The following RNF31 variants were observed in gnomAD, a reference collection of about 807,000 sequenced individuals.
RNF31 encodes E3 ubiquitin-protein ligase RNF31.
A neutral mutation model predicts 133.6 loss-of-function variants in RNF31; 38 were observed. The ratio of observed to expected loss-of-function variants is 0.28; its 90% confidence interval spans 0.22 to 0.37. The LOEUF (loss-of-function observed/expected upper bound fraction) is 0.37. RNF31 is among the 10% of genes least tolerant of loss of function. The pLI, the probability that RNF31 is intolerant of heterozygous loss-of-function variation, is 1.00. For synonymous variants in RNF31, 582 were observed against 552.3 expected, an observed-to-expected ratio of 1.05 and a Z score of -0.75; for missense variants, 1,118 against 1,394.1, an observed-to-expected ratio of 0.80 and a Z score of 3.15.
chr14:24,156,761 A>G (rs909929912), intron 14 of RNF31, among the ~76,000 whole-genome samples: 1 of 151,980 alleles, frequency 6.6e-6, no homozygotes, highest in African/African-American at 2.4e-5. Context: ...CCTGGGTGAC[A>G]GAGCGAGACT....
Position 24,150,353 on chromosome 14 carries a change from G to C in RNF31, c.1102G>C (p.Val368Leu). 1.9e-6 allele frequency: 3 copies of C among 1,614,172 alleles called. No individual in the cohort carries two copies. The highest frequency in any genetic ancestry group is 2.5e-6 in the Non-Finnish European group (3 of 1,180,030). Residue 368 changes from valine (V) to leucine (L), a missense_variant, in exon 7 of 21, where the codon GTG becomes CTG. Coordinates refer to ENST00000324103, the MANE Select transcript of RNF31 (RefSeq NM_017999.5). ...TACCTTTGAGAATGAGGCAGCTGCTGTGCTATGTTCCATATGTGAGCGACC... is the reference window on the plus strand; with the variant it reads ...TACCTTTGAGAATGAGGCAGCTGCTCTGCTATGTTCCATATGTGAGCGACC... ...SCTFENEAAAVLCSICERPRL... is the reference protein window; with the variant it reads ...SCTFENEAAALLCSICERPRL...
rs1482093139 is a variant in RNF31 at position 24,147,897 on chromosome 14, C to T, written c.192+7C>T. On this transcript the variant is annotated splice_region_variant and intron_variant, in intron 1 of 20. Transcript: ENST00000324103. ...CTGCAACGCTCATGGGGAGGTGAGG[C>T]CCGGCCCCGCTTGGAAGGGGGACAC... 1.2e-6 allele frequency: 2 copies of T among 1,612,066 alleles called. No homozygotes were observed. The highest frequency in any genetic ancestry group is 8.5e-7 in the Non-Finnish European group (1 of 1,179,424).
rs2038185206 is a variant in RNF31 at position 24,147,503 on chromosome 14, A to G, written c.-196A>G. On this transcript the variant is annotated 5_prime_UTR_variant, in exon 1 of 21. Coordinates refer to ENST00000324103, the MANE Select transcript of RNF31 (RefSeq NM_017999.5). Reference sequence around the variant, plus strand: ...TCGCAGTCCCACCCTCTCTCCTAGTACTTCCTGTTCTCGGCTAACCCTGGC... The same window carrying G: ...TCGCAGTCCCACCCTCTCTCCTAGTGCTTCCTGTTCTCGGCTAACCCTGGC... The G allele has an allele frequency of 8.9e-6, 4 of 451,566 alleles. No homozygotes were observed. The South Asian group carries it at 1.6e-4, about 18-fold the overall frequency. 28.0% of individuals were successfully genotyped at this position (451,566 alleles called of 1,614,324 possible).
At chr14:24,158,437 A>G (rs1304922062) in intron 18 of RNF31, among the ~76,000 whole-genome samples, 1 of 152,198 alleles carries the variant, frequency 6.6e-6, no homozygotes, top group Non-Finnish European at 1.5e-5. Flanking sequence ...ATTAATACTA[A>G]TTTTCTTCTC....
chr14:24,154,833 CT>C, intron 11 of RNF31: 1 of 372,178 alleles, frequency 2.7e-6, no homozygotes, highest in Non-Finnish European at 5.0e-6. Context: ...GCCCCCACTT[CT>C]AGTCACCTGG....
In RNF31 at chr14:24,159,877, G is replaced by A; in HGVS notation, c.2913G>A (p.Val971=). The part of the protein sequence containing the change: ...ARAVPGGGCR[V]IEQKEVPNGL... ...CCTCACCTTTAGGCGGCTGCCGAGT[G>A]ATAGAGCAGAAGGAGGTTCCCAATG... The change falls in exon 19 of 21, where the codon GTG becomes GTA. Residue 971 remains valine, a synonymous_variant. Transcript: ENST00000324103. The A allele has an allele frequency of 6.2e-7, 1 of 1,614,106 alleles. No individual in the cohort carries two copies. The highest frequency in any genetic ancestry group is 1.1e-5 in the South Asian group (1 of 91,066).
At position 24,155,169 on chromosome 14, in the gene RNF31, A is replaced by C; in HGVS notation, c.2143A>C (p.Thr715Pro). The C allele has an allele frequency of 6.2e-7, 1 of 1,613,648 alleles. No homozygotes were observed. The highest frequency in any genetic ancestry group is 8.5e-7 in the Non-Finnish European group (1 of 1,179,816). ...CCTCACCCTCCAGATGCAGGCCCTGACTTCCTGTGAGTGCACCATCTGTCC... is the reference window on the plus strand; with the variant it reads ...CCTCACCCTCCAGATGCAGGCCCTGCCTTCCTGTGAGTGCACCATCTGTCC... ...ALPHNRMQAL[T>P]SCECTICPDC... Residue 715 changes from threonine (T) to proline (P), a missense_variant, in exon 12 of 21, where the codon ACT (threonine) becomes CCT (proline). Physicochemically the swap from Thr to Pro is conservative, Grantham distance 38. Around this residue, in one of 3 missense-constraint regions of RNF31, gnomAD observed 201 missense variants for 371.7 expected, o/e 0.54. Transcript: ENST00000324103. The surrounding 1 kb of genome is among the most constrained non-coding windows in gnomAD (Gnocchi z 4.9).
rs750856578 is a variant in RNF31 at position 24,147,971 on chromosome 14, C to T, written c.193-5C>T. 6.2e-7 allele frequency: 1 copy of T among 1,614,020 alleles called. No homozygotes were observed. Among genetic ancestry groups the T allele is most frequent in the Non-Finnish European group, 8.5e-7 (1 of 1,180,028 alleles). On this transcript the variant is annotated splice_region_variant and splice_polypyrimidine_tract_variant and intron_variant, in intron 1 of 20. Coordinates refer to ENST00000324103, the MANE Select transcript of RNF31 (RefSeq NM_017999.5). Reference sequence around the variant, plus strand: ...CTCACACCTCTCTGCTCTCCTTGCTCCCAGCCCCGAAACTACCTCAACACC... The same window carrying T: ...CTCACACCTCTCTGCTCTCCTTGCTTCCAGCCCCGAAACTACCTCAACACC...
At position 24,150,365 on chromosome 14, in the gene RNF31, A is replaced by G. The variant is rs866915381; in HGVS notation, c.1114A>G (p.Ile372Val). ...TGAGGCAGCTGCTGTGCTATGTTCC[A>G]TATGTGAGCGACCTCGGCTGGCCCA... ...ENEAAAVLCS[I>V]CERPRLAQPP... Residue 372 changes from isoleucine to valine, a missense_variant, in exon 7 of 21, where the codon ATA becomes GTA. This residue lies in a region of RNF31 where 747 missense variants were observed against 827.9 expected (regional missense o/e 0.90). Transcript: ENST00000324103. 1 of 1,614,020 alleles carries G rather than the reference A, an allele frequency of 6.2e-7. No individual in the cohort carries two copies. Among genetic ancestry groups the G allele is most frequent in the Non-Finnish European group, 8.5e-7 (1 of 1,180,026 alleles).
chr14:24,151,928 C>A lies in RNF31; in HGVS notation c.2066C>A (p.Ala689Asp). 1 of 1,614,188 alleles carries A rather than the reference C, an allele frequency of 6.2e-7. No homozygotes were observed. The highest frequency in any genetic ancestry group is 8.5e-7 in the Non-Finnish European group (1 of 1,180,028). ...GCTGTGAGGCACAGCCAGGACCGGG[C>A]CTTCCTGCGCCGCTTGCTTGCCCAG... ...VEAVRHSQDRAFLRRLLAQEC... is the reference protein window; with the variant it reads ...VEAVRHSQDRDFLRRLLAQEC... Residue 689 changes from alanine (A) to aspartate (D), a missense_variant, in exon 11 of 21, where the codon GCC (alanine) becomes GAC (aspartate). Coordinates refer to ENST00000324103, the MANE Select transcript of RNF31 (RefSeq NM_017999.5). This position sits in a 1 kb window ranked among gnomAD's most constrained non-coding sequence, Gnocchi z 5.3.
rs201013476 is a variant in RNF31, at chr14:24,148,349, A to C, written c.431A>C (p.His144Pro). The C allele has an allele frequency of 9.0e-5, 146 of 1,614,062 alleles. 1 individual carries two copies. The highest frequency in any genetic ancestry group is 5.0e-5 in the Admixed American group (3 of 60,008). ...FPEGQEEPDE[H>P]QVATVTLEVL... Reference sequence around the variant, plus strand: ...GAAGGGCAGGAGGAGCCAGATGAGCACCAGGTTGCTACAGTCACACTGGAA... The same window carrying C: ...GAAGGGCAGGAGGAGCCAGATGAGCCCCAGGTTGCTACAGTCACACTGGAA... Residue 144 changes from histidine (H) to proline (P), a missense_variant, in exon 3 of 21, where the codon CAC becomes CCC. By Grantham distance (77) the His-to-Pro change is moderately conservative. Around this residue, in one of 3 missense-constraint regions of RNF31, gnomAD observed 747 missense variants for 827.9 expected, o/e 0.90. Transcript: ENST00000324103.
Position 24,157,275 on chromosome 14 carries a change from C to A in RNF31, c.2494-15C>A. The stretch of plus-strand genomic sequence containing the variant: ...GGATAGAGCTCCCATGTGAAGCCTA[C>A]TTTCCCTCTGGCAGTGGGAGGAGCA... On this transcript the variant is annotated splice_polypyrimidine_tract_variant and intron_variant, in intron 14 of 20. Transcript: ENST00000324103. 6.3e-7 allele frequency: 1 copy of A among 1,582,576 alleles called. No homozygotes were observed. Among genetic ancestry groups the A allele is most frequent in the South Asian group, 1.1e-5 (1 of 88,640 alleles).
rs1415386150 is a variant in RNF31, at chr14:24,155,337, CA to C, written c.2304+8del. The C allele has an allele frequency of 6.2e-7, 1 of 1,614,070 alleles. No individual in the cohort carries two copies. The highest frequency in any genetic ancestry group is 1.3e-5 in the African/African-American group (1 of 74,938). On this transcript the variant is annotated splice_region_variant and intron_variant, in intron 12 of 20. Coordinates refer to ENST00000324103, the MANE Select transcript of RNF31 (RefSeq NM_017999.5). The surrounding 1 kb of genome is among the most constrained non-coding windows in gnomAD (Gnocchi z 4.9). ...CTCTACCCTTGACATCCAGGTACTG[CA>C]GCCCCTCTAGGACTCAGGTACCCTG...
intron 5 of RNF31, chr14:24,149,152 G>A (rs548968073): frequency 4.4e-5 from 26 of 593,310 alleles, no homozygotes; most frequent in Admixed American, 1.5e-4. Context: ...TGGTAGAGAT[G>A]GGGTTTCTCC....
At position 24,151,036 on chromosome 14, in the gene RNF31, G is replaced by T; in HGVS notation, c.1489-95G>T. ...TACCATTGCTGTACACTGATGACATGATCCATATGTCTGAGCTGAGCCACT... is the reference window on the plus strand; with the variant it reads ...TACCATTGCTGTACACTGATGACATTATCCATATGTCTGAGCTGAGCCACT... On this transcript the variant is annotated intron_variant, in intron 8 of 20. Coordinates refer to ENST00000324103, the MANE Select transcript of RNF31 (RefSeq NM_017999.5). This position sits in a 1 kb window ranked among gnomAD's most constrained non-coding sequence, Gnocchi z 5.3. The T allele has an allele frequency of 6.4e-7, 1 of 1,559,348 alleles. No individual in the cohort carries two copies. Among genetic ancestry groups the T allele is most frequent in the Non-Finnish European group, 8.7e-7 (1 of 1,148,482 alleles).
intron 18 of RNF31, 149 bp downstream of exon 18, chr14:24,158,348 T>G: frequency 1.4e-6 from 1 of 700,914 alleles, no homozygotes; most frequent in South Asian, 1.9e-5. Context: ...TCTTCCGCTG[T>G]AAAATGGAGG....
Position 24,160,246 on chromosome 14 carries a change from T to C in RNF31, c.3004T>C (p.Tyr1002His), listed in dbSNP as rs1566618452. The C allele has an allele frequency of 1.2e-6, 2 of 1,613,332 alleles. No homozygotes were observed. Among genetic ancestry groups the C allele is most frequent in the Non-Finnish European group, 1.7e-6 (2 of 1,179,904 alleles). Residue 1002 changes from tyrosine to histidine, a missense_variant, in exon 20 of 21, where the codon TAC becomes CAC. Around this residue, in one of 3 missense-constraint regions of RNF31, gnomAD observed 170 missense variants for 194.5 expected, o/e 0.87. Coordinates refer to ENST00000324103, the MANE Select transcript of RNF31 (RefSeq NM_017999.5). This position sits in a 1 kb window ranked among gnomAD's most constrained non-coding sequence, Gnocchi z 4.0. ...GCTCCCTTTTCTCCCCAGGGCACAC[T>C]ACAAAGAGTATCTTGTGAGCCTCAT... The part of the protein sequence containing the change: ...AGYAGLCQAH[Y>H]KEYLVSLINA...
rs747233401 is a variant in RNF31 at position 24,151,405 on chromosome 14, A to G, written c.1737+26A>G. 1.2e-6 allele frequency: 2 copies of G among 1,613,392 alleles called. No individual in the cohort carries two copies. The highest frequency in any genetic ancestry group is 1.7e-6 in the Non-Finnish European group (2 of 1,179,362). On this transcript the variant is annotated intron_variant, in intron 9 of 20. Transcript: ENST00000324103. The surrounding 1 kb of genome is among the most constrained non-coding windows in gnomAD (Gnocchi z 5.3). ...GTATCAGCTGTGCTGGATATGGGATAGGGTCGAGAGTCTGCATCTCTCACA... is the reference window on the plus strand; with the variant it reads ...GTATCAGCTGTGCTGGATATGGGATGGGGTCGAGAGTCTGCATCTCTCACA...
Position 24,152,820 on chromosome 14 carries a change from G to A in RNF31, c.2130+828G>A, listed in dbSNP as rs57532396. Among the ~76,000 whole-genome samples, 147 of 152,320 alleles carry A rather than the reference G, an allele frequency of 9.7e-4. 4 individuals are homozygous for A. The East Asian group carries it at 0.025, about 26-fold the overall frequency. On this transcript the variant is annotated intron_variant, in intron 11 of 20. Transcript: ENST00000324103. ...TACCAGGCTGGGCGCGGTGGCTCAC[G>A]CCTCTAATGCCAGCACTTTGGGAGG...
Sources: allele counts gnomAD v4.1 joint callset (sites outside exome capture counted in the v4.1 genomes callset), GRCh38; gene constraint gnomAD v4.1.1; regional missense constraint gnomAD v4.1.1; non-coding constraint Gnocchi (gnomAD v3.1); transcripts MANE v1.5; gene names NCBI Gene and HGNC (gene_info 2026-07-23, HGNC 2026-07-21).